Variants in CNTN5 observed in about 807,000 individuals in gnomAD.
The protein encoded by CNTN5 is contactin-5.
Under a neutral mutation model 129.1 loss-of-function variants are expected in CNTN5, and 77 were observed. That is an observed-to-expected ratio of 0.60 (90% CI 0.50 to 0.72). CNTN5 has a LOEUF of 0.72. Ranked by LOEUF, CNTN5 falls within the 30% of genes least tolerant of loss-of-function variation. The pLI is 0.00. For missense variants in CNTN5, 1,478 were observed against 1,328.8 expected (o/e 1.11, Z -1.75); for synonymous variants, 509 against 465.6 (o/e 1.09, Z -1.20).
chr11:99,478,141 G>A (rs1362284919), intron 2 of CNTN5, among the ~76,000 whole-genome samples: 1 of 152,078 alleles, frequency 6.6e-6, no homozygotes, highest in Non-Finnish European at 1.5e-5. Flanking sequence ...TTATCTCACA[G>A]ATTATGTGGG....
At chr11:99,375,182 G>T (rs951255283) in intron 2 of CNTN5, among the ~76,000 whole-genome samples, 2 of 151,082 alleles carry the variant, frequency 1.3e-5, no homozygotes, top group Non-Finnish European at 3.0e-5. Context: ...ACGTGCCTGT[G>T]ATCCCAGCTA....
intron 6 of CNTN5, among the ~76,000 whole-genome samples, chr11:99,869,394 A>C (rs879153544): frequency 6.6e-6 from 1 of 152,308 alleles, no homozygotes; most frequent in South Asian, 2.1e-4. Context: ...ATAAATATAT[A>C]TAAAATTTAA....
chr11:99,708,531 A>G (rs1441856910), intron 3 of CNTN5, among the ~76,000 whole-genome samples: 1 of 151,794 alleles, frequency 6.6e-6, no homozygotes. Flanking sequence ...TGTTTATAAT[A>G]AGATACTTTC....
At chr11:99,782,891 G>A (rs530899092) in intron 3 of CNTN5, among the ~76,000 whole-genome samples, 2,376 of 151,730 alleles carry the variant, frequency 0.016, 56 homozygotes, top group South Asian at 0.084. Context: ...GAAAACCTAG[G>A]CATTACCATT....
intron 13 of CNTN5, among the ~76,000 whole-genome samples, chr11:100,136,993 A>ATACT (rs1946549321): frequency 6.6e-6 from 1 of 151,890 alleles, no homozygotes; most frequent in Admixed American, 6.6e-5. Context: ...AATAAAATAT[A>ATACT]TACTTACTTA....
At chr11:100,021,975 A>C (rs1941178690) in intron 9 of CNTN5, among the ~76,000 whole-genome samples, 1 of 152,124 alleles carries the variant, frequency 6.6e-6, no homozygotes, top group African/African-American at 2.4e-5. Context: ...TTTTTCTTCT[A>C]CCTTCTTCTC....
chr11:99,278,350 A>C (rs1863542909), intron 1 of CNTN5, among the ~76,000 whole-genome samples: 1 of 151,736 alleles, frequency 6.6e-6, no homozygotes, highest in Non-Finnish European at 1.5e-5. Context: ...ATATCACTCT[A>C]AAATCATTGA....
intron 13 of CNTN5, among the ~76,000 whole-genome samples, chr11:100,139,962 A>C (rs905709825): frequency 6.6e-6 from 1 of 152,180 alleles, no homozygotes; most frequent in African/African-American, 2.4e-5. Flanking sequence ...TCCCTGGTGC[A>C]ATGCTCTCAA....
chr11:100,125,978 T>A (rs1591286277), intron 13 of CNTN5, among the ~76,000 whole-genome samples: 1 of 152,120 alleles, frequency 6.6e-6, no homozygotes, highest in Admixed American at 6.6e-5. Flanking sequence ...TTTTTCTGCA[T>A]CCCAGAAATT....
chr11:100,183,859 A>G (rs1338023492), intron 13 of CNTN5, among the ~76,000 whole-genome samples: 3 of 152,108 alleles, frequency 2.0e-5, no homozygotes, highest in Non-Finnish European at 4.4e-5. Flanking sequence ...ACAGGATACT[A>G]TGTTCTACAG....
chr11:100,006,202 T>A (rs1940180159), intron 9 of CNTN5, among the ~76,000 whole-genome samples: 1 of 152,180 alleles, frequency 6.6e-6, no homozygotes, highest in South Asian at 2.1e-4. Context: ...CATGCTGATA[T>A]AAGTCTTCAG....
At chr11:99,744,921 G>A (rs1944005763) in intron 3 of CNTN5, among the ~76,000 whole-genome samples, 1 of 152,046 alleles carries the variant, frequency 6.6e-6, no homozygotes, top group Non-Finnish European at 1.5e-5. Context: ...AAAACTGTAA[G>A]GCAGGCGTTA....
chr11:99,275,500 T>C (rs1180641065), intron 1 of CNTN5, among the ~76,000 whole-genome samples: 7 of 151,676 alleles, frequency 4.6e-5, no homozygotes, highest in Non-Finnish European at 1.0e-4. Flanking sequence ...ATTATACTTG[T>C]TAGGTCTTTC....
chr11:99,300,401 T>C (rs1027184985), intron 1 of CNTN5, among the ~76,000 whole-genome samples: 4 of 152,148 alleles, frequency 2.6e-5, no homozygotes, highest in Admixed American at 6.6e-5. Flanking sequence ...TTTATTCTGT[T>C]CATGTGGTGA....
At chr11:99,969,386 G>A (rs1251905884) in intron 8 of CNTN5, among the ~76,000 whole-genome samples, 5 of 152,102 alleles carry the variant, frequency 3.3e-5, no homozygotes, top group African/African-American at 1.2e-4. Context: ...ATGAAAGAAA[G>A]GAATGTGAAC....
At chr11:99,190,733 G>A (rs376918610) in intron 1 of CNTN5, among the ~76,000 whole-genome samples, 8 of 151,176 alleles carry the variant, frequency 5.3e-5, no homozygotes, top group South Asian at 4.2e-4. Flanking sequence ...TTATATTTTC[G>A]TTTTATATCC....
chr11:99,700,775 T>C (rs1591499193), intron 3 of CNTN5, among the ~76,000 whole-genome samples: 1 of 151,392 alleles, frequency 6.6e-6, no homozygotes, highest in East Asian at 1.9e-4. Flanking sequence ...AGCAATTTCA[T>C]GCTATTGTTC....
intron 3 of CNTN5, among the ~76,000 whole-genome samples, chr11:99,596,117 C>A (rs1010371039): frequency 1.1e-4 from 16 of 152,136 alleles, no homozygotes; most frequent in African/African-American, 3.9e-4. Flanking sequence ...TCAGGCATCA[C>A]AATCTAAATT....
At chr11:100,283,360 C>G (rs1001288996) in intron 18 of CNTN5, among the ~76,000 whole-genome samples, 1 of 152,138 alleles carries the variant, frequency 6.6e-6, no homozygotes, top group Admixed American at 6.5e-5. Flanking sequence ...AGGAAGGTAT[C>G]TCTTATGGAT....
Sources: gnomAD v4.1 joint callset for allele counts (sites outside exome capture counted in the v4.1 genomes callset) on GRCh38, gnomAD v4.1.1 for gene constraint, MANE v1.5 for transcripts, NCBI Gene and HGNC (gene_info 2026-07-23, HGNC 2026-07-21) for gene names.